VPS13C: variants seen among roughly 807,000 people sequenced by gnomAD.
VPS13C encodes intermembrane lipid transfer protein VPS13C.
VPS13C carries 358 observed loss-of-function variants against 456.8 expected under a neutral mutation model. The ratio of observed to expected loss-of-function variants is 0.78; its 90% CI spans 0.72 to 0.86. The LOEUF (loss-of-function observed/expected upper bound fraction) is 0.86, where lower values mean the gene tolerates loss of function less well. Ranked by LOEUF, VPS13C falls within the 40% of genes least tolerant of loss-of-function variation. The probability of loss-of-function intolerance (pLI) is 0.00; values close to 1 mark genes in which losing one functional copy is unlikely to be tolerated. For synonymous variants in VPS13C, 1,578 were observed against 1,486.7 expected, an observed-to-expected ratio of 1.06 and a Z score of -1.41; for missense variants, 4,818 against 4,385.4, an observed-to-expected ratio of 1.10 and a Z score of -2.79.
chr15:61,856,835 T>G (rs776367854), intron 82 of VPS13C: 2 of 162,548 alleles, frequency 1.2e-5, no homozygotes, highest in Non-Finnish European at 2.6e-5. Flanking sequence ...AAATTATTAA[T>G]TGCTCTTTAC....
chr15:62,057,014 C>G (rs2048824681), intron 1 of VPS13C, among the ~76,000 whole-genome samples: 1 of 152,082 alleles, frequency 6.6e-6, no homozygotes, highest in Non-Finnish European at 1.5e-5. Context: ...CTACCGGTCT[C>G]CGCGCATTGG....
At position 61,919,174 on chromosome 15, in the gene VPS13C, T is replaced by A. The variant is rs144585210; in HGVS notation, c.7638+115A>T. 1,584 of 1,029,152 alleles carry A rather than the reference T, an allele frequency of 1.5e-3. 17 individuals are homozygous for A. In the African/African-American group the frequency reaches 0.025, roughly 16 times the overall value. The allele number at this position is 1,029,152 out of a possible 1,614,324, so 63.8% of individuals were successfully genotyped here. A position where few individuals can be genotyped will look rare whatever the true frequency, so the allele number is the denominator to read the frequency against. On this transcript the variant is annotated intron_variant, in intron 58 of 84. Coordinates refer to ENST00000644861, the MANE Select transcript of VPS13C (RefSeq NM_020821.3). The stretch of plus-strand genomic sequence containing the variant: ...TTTATTTCTGAATAATTACTATTTA[T>A]TTCTGAATAATCAGAATTGACCTGA...
chr15:61,963,759 C>T (rs575668937), intron 32 of VPS13C, 76 bp downstream of exon 32: 1 of 1,050,338 alleles, frequency 9.5e-7, no homozygotes, highest in Admixed American at 1.8e-5. Context: ...TTTGTACATT[C>T]TTTAGCATTG....
chr15:61,942,544 CTTT>C (rs56793702), intron 45 of VPS13C, among the ~76,000 whole-genome samples: 3 of 129,134 alleles, frequency 2.3e-5, no homozygotes, highest in African/African-American at 5.6e-5. Context: ...TCTGATAAGG[CTTT>C]TTTTTTTTTT....
intron 1 of VPS13C, among the ~76,000 whole-genome samples, chr15:62,044,475 T>C (rs554576255): frequency 6.6e-6 from 1 of 152,248 alleles, no homozygotes; most frequent in African/African-American, 2.4e-5. Flanking sequence ...AAAGAAGTTA[T>C]AACACATTAA....
intron 9 of VPS13C, among the ~76,000 whole-genome samples, chr15:62,018,932 T>G (rs945448568): frequency 6.6e-6 from 1 of 152,144 alleles, no homozygotes; most frequent in Non-Finnish European, 1.5e-5. Context: ...TTTTTTTGGT[T>G]GGTAAGCTAT....
chr15:61,918,309 G>T (rs768566640), intron 58 of VPS13C, 52 bp from the exon 59 acceptor site: 2 of 1,414,438 alleles, frequency 1.4e-6, no homozygotes, highest in Non-Finnish European at 1.9e-6. Context: ...AAGTTCGAAA[G>T]AAAAAATGAG....
At chr15:61,932,964 A>G (rs1340766855) in intron 49 of VPS13C, among the ~76,000 whole-genome samples, 2 of 152,172 alleles carry the variant, frequency 1.3e-5, no homozygotes, top group Non-Finnish European at 2.9e-5. Context: ...GAAGATGGAA[A>G]TGGCTACATG....
At chr15:61,994,582 C>G (rs576465468) in intron 16 of VPS13C, among the ~76,000 whole-genome samples, 4 of 150,482 alleles carry the variant, frequency 2.7e-5, no homozygotes, top group Non-Finnish European at 5.9e-5. Flanking sequence ...GAATGGAATA[C>G]TATTCAGCTA....
At chr15:62,010,405 T>C in intron 13 of VPS13C, 67 bp downstream of exon 13, 1 of 1,402,952 alleles carries the variant, frequency 7.1e-7, no homozygotes, top group Non-Finnish European at 9.4e-7. Context: ...AGAGAAGTAA[T>C]AATCACAAAT....
chr15:62,023,308 A>T, intron 8 of VPS13C, 103 bp downstream of exon 8: 1 of 682,166 alleles, frequency 1.5e-6, no homozygotes, highest in Non-Finnish European at 2.2e-6. Context: ...AAAAAAATTA[A>T]TCTCGGATTT....
chr15:62,010,411 C>G, intron 13 of VPS13C, 61 bp downstream of exon 13: 1 of 1,421,946 alleles, frequency 7.0e-7, no homozygotes, highest in Non-Finnish European at 9.3e-7. Flanking sequence ...GTAATAATCA[C>G]AAATAAAAGC....
chr15:61,934,433 G>T lies in VPS13C; in HGVS notation c.5756-102C>A, dbSNP rs1001392791. ...TTCTAAATTTATATGACGCTTTCTGGGATTCTGTAAATCATATTGAGACAA... is the reference window on the plus strand; with the variant it reads ...TTCTAAATTTATATGACGCTTTCTGTGATTCTGTAAATCATATTGAGACAA... On this transcript the variant is annotated intron_variant, in intron 48 of 84. Transcript: ENST00000644861. 3 of 574,818 alleles carry T rather than the reference G, an allele frequency of 5.2e-6. No individual in the cohort carries two copies. In the African/African-American group the frequency reaches 5.8e-5, roughly 11 times the overall value. 35.6% of individuals were successfully genotyped at this position (574,818 alleles called of 1,614,324 possible).
In VPS13C at chr15:61,954,645, T is replaced by C. The variant is rs191092602; in HGVS notation, c.4166-91A>G. ...ACTTATATGAGTATTCTGGACCTGG[T>C]AGAGGCAATGAAAATCCACGAATTA... On this transcript the variant is annotated intron_variant, in intron 37 of 84. Transcript: ENST00000644861. 1.6e-4 allele frequency: 214 copies of C among 1,321,832 alleles called. 3 individuals are homozygous for C. The East Asian group carries it at 5.3e-3, about 33-fold the overall frequency. The allele number at this position is 1,321,832 out of a possible 1,614,324, so 81.9% of individuals were successfully genotyped here.
rs1457037986 is a variant in VPS13C at position 62,017,818 on chromosome 15, T to C, written c.684+2661A>G. Among the ~76,000 whole-genome samples, 3 of 152,194 alleles carry C rather than the reference T, an allele frequency of 2.0e-5. No homozygotes were observed. In the East Asian group the frequency reaches 5.8e-4, roughly 29 times the overall value. ...TTTAAAGTAGTTTTTTCCAATTCTG[T>C]GAAGAAAGTCATTGGTAGCTTGATG... On this transcript the variant is annotated intron_variant, in intron 9 of 84. Transcript: ENST00000644861.
At chr15:61,903,888 T>G (rs911666683) in intron 66 of VPS13C, among the ~76,000 whole-genome samples, 1 of 152,132 alleles carries the variant, frequency 6.6e-6, no homozygotes, top group Non-Finnish European at 1.5e-5. Context: ...AAAAAGACAG[T>G]GTCTTCAACA....
intron 66 of VPS13C, among the ~76,000 whole-genome samples, chr15:61,901,115 T>A (rs1043508173): frequency 1.3e-5 from 2 of 151,094 alleles, no homozygotes; most frequent in East Asian, 3.9e-4. Flanking sequence ...CAATTCAAGA[T>A]GGATTAAAGA....
At chr15:62,051,862 TA>T (rs2048630279) in intron 1 of VPS13C, among the ~76,000 whole-genome samples, 2 of 152,358 alleles carry the variant, frequency 1.3e-5, no homozygotes, top group South Asian at 4.1e-4. Flanking sequence ...TAGTACTTTT[TA>T]AAAATCTATT....
chr15:61,999,404 G>A (rs893505784), intron 16 of VPS13C, among the ~76,000 whole-genome samples: 1 of 151,786 alleles, frequency 6.6e-6, no homozygotes, highest in Non-Finnish European at 1.5e-5. Flanking sequence ...GAGAGAGAGA[G>A]AGAGAAAGTA....
Sources: gnomAD v4.1 joint callset for allele counts (sites outside exome capture counted in the v4.1 genomes callset) on GRCh38, gnomAD v4.1.1 for gene constraint, MANE v1.5 for transcripts, NCBI Gene and HGNC (gene_info 2026-07-23, HGNC 2026-07-21) for gene names.